CDYL2: variants seen among roughly 807,000 people sequenced by gnomAD.
CDYL2 encodes chromodomain Y-like protein 2.
CDYL2 carries 23 observed loss-of-function variants against 49.4 expected under a neutral mutation model. The ratio of observed to expected loss-of-function variants is 0.47; its 90% CI spans 0.34 to 0.66. The LOEUF is 0.66. Ranked by LOEUF, CDYL2 falls within the 30% of genes least tolerant of loss-of-function variation. The probability of loss-of-function intolerance (pLI) is 0.01; values close to 1 mark genes in which losing one functional copy is unlikely to be tolerated. For synonymous variants in CDYL2, 360 were observed against 268.8 expected, an observed-to-expected ratio of 1.34 and a Z score of -3.32; for missense variants, 678 against 656.4, an observed-to-expected ratio of 1.03 and a Z score of -0.36.
intron 2 of CDYL2, among the ~76,000 whole-genome samples, chr16:80,636,447 T>C (rs1597139277): frequency 6.6e-6 from 1 of 151,926 alleles, no homozygotes; most frequent in Non-Finnish European, 1.5e-5. Context: ...AACAAATACA[T>C]GAAAAAAAGC....
intron 1 of CDYL2, among the ~76,000 whole-genome samples, chr16:80,699,799 G>C (rs1369875359): frequency 1.3e-5 from 2 of 151,904 alleles, no homozygotes; most frequent in Admixed American, 1.3e-4. Context: ...TAATTATTAT[G>C]TGTCAAAAAC....
At chr16:80,762,164 C>G (rs1195130921) in intron 1 of CDYL2, among the ~76,000 whole-genome samples, 1 of 151,948 alleles carries the variant, frequency 6.6e-6, no homozygotes, top group Non-Finnish European at 1.5e-5. Context: ...CCAGCCTGGA[C>G]AAGAGTGAGA....
At chr16:80,748,832 A>C (rs1277886768) in intron 1 of CDYL2, among the ~76,000 whole-genome samples, 1 of 152,120 alleles carries the variant, frequency 6.6e-6, no homozygotes, top group Non-Finnish European at 1.5e-5. Context: ...CAGTTCTGTC[A>C]TGAGAGGTCA....
chr16:80,776,492 G>A (rs72820982), intron 1 of CDYL2, among the ~76,000 whole-genome samples: 1,853 of 151,612 alleles, frequency 0.012, 22 homozygotes, highest in Middle Eastern at 0.021. Context: ...ACAAGAAATC[G>A]AAATGATCCC....
intron 1 of CDYL2, among the ~76,000 whole-genome samples, chr16:80,756,054 T>C (rs1906299776): frequency 6.6e-6 from 1 of 152,142 alleles, no homozygotes; most frequent in Non-Finnish European, 1.5e-5. Flanking sequence ...TAATAATTCA[T>C]AATAGTGATA....
In CDYL2 at chr16:80,690,110, G is replaced by C. The variant is rs567983253; in HGVS notation, c.25-4981C>G. 4.7e-5 allele frequency among the ~76,000 whole-genome samples: 7 copies of C among 150,356 alleles called. No individual in the cohort carries two copies. The East Asian group carries it at 1.4e-3, about 29-fold the overall frequency. ...CACTCTAGCCTAGGAGACAGAGCAA[G>C]ACTCTGTCTCAAAAATAAAAAAAAA... On this transcript the variant is annotated intron_variant, in intron 1 of 6. Coordinates refer to ENST00000570137, the MANE Select transcript of CDYL2 (RefSeq NM_152342.4).
intron 1 of CDYL2, among the ~76,000 whole-genome samples, chr16:80,735,725 T>G: frequency 6.6e-6 from 1 of 152,228 alleles, no homozygotes; most frequent in East Asian, 1.9e-4. Flanking sequence ...CAATAATCAC[T>G]GGACTCTCGA....
intron 1 of CDYL2, among the ~76,000 whole-genome samples, chr16:80,797,488 A>AGCAGGATTGTAT (rs1402138703): frequency 1.3e-5 from 2 of 152,220 alleles, no homozygotes; most frequent in Non-Finnish European, 2.9e-5. Flanking sequence ...AGTAGAAGAA[A>AGCAGGATTGTAT]GCAGGATTGT....
intron 1 of CDYL2, among the ~76,000 whole-genome samples, chr16:80,711,326 G>A (rs569016677): frequency 1.3e-5 from 2 of 152,290 alleles, no homozygotes; most frequent in Non-Finnish European, 1.5e-5. Context: ...AACCATTTGT[G>A]TCAGAAGCTC....
chr16:80,607,970 G>C (rs1906417423), intron 6 of CDYL2, 122 bp downstream of exon 6: 1 of 1,147,220 alleles, frequency 8.7e-7, no homozygotes, highest in Non-Finnish European at 1.2e-6. Flanking sequence ...AATTGCAAAG[G>C]GTCTTTTGCT....
At chr16:80,646,311 C>A (rs1908343496) in intron 2 of CDYL2, among the ~76,000 whole-genome samples, 1 of 151,950 alleles carries the variant, frequency 6.6e-6, no homozygotes, top group South Asian at 2.1e-4. Flanking sequence ...TAAACTAAAT[C>A]ATAACCAGAC....
chr16:80,784,352 T>G (rs1203754679), intron 1 of CDYL2, among the ~76,000 whole-genome samples: 1 of 152,246 alleles, frequency 6.6e-6, no homozygotes, highest in African/African-American at 2.4e-5. Flanking sequence ...AAGACTATTT[T>G]TTTCATTCAT....
intron 1 of CDYL2, among the ~76,000 whole-genome samples, chr16:80,716,899 A>C (rs1904822492): frequency 6.6e-6 from 1 of 151,966 alleles, no homozygotes; most frequent in South Asian, 2.1e-4. Flanking sequence ...GGATGGATGG[A>C]TGGATGATTG....
chr16:80,765,456 GA>G (rs1906687882), intron 1 of CDYL2, among the ~76,000 whole-genome samples: 1 of 151,512 alleles, frequency 6.6e-6, no homozygotes, highest in Non-Finnish European at 1.5e-5. Flanking sequence ...AAATATATAA[GA>G]AAAGCAATTA....
chr16:80,715,936 G>A (rs1421753530), intron 1 of CDYL2, among the ~76,000 whole-genome samples: 1 of 152,180 alleles, frequency 6.6e-6, no homozygotes, highest in Non-Finnish European at 1.5e-5. Context: ...TAGATTCTAA[G>A]CCAGACTTCC....
At chr16:80,717,176 T>G (rs1008191806) in intron 1 of CDYL2, among the ~76,000 whole-genome samples, 4 of 150,578 alleles carry the variant, frequency 2.7e-5, no homozygotes, top group African/African-American at 9.7e-5. Flanking sequence ...GATGGATGGA[T>G]GGATGGATGG....
chr16:80,604,807 G>A (rs1906258772), intron 6 of CDYL2, among the ~76,000 whole-genome samples: 1 of 152,184 alleles, frequency 6.6e-6, no homozygotes, highest in Admixed American at 6.5e-5. Flanking sequence ...CTTGCCTGTT[G>A]CCCAATGGTG....
intron 1 of CDYL2, among the ~76,000 whole-genome samples, chr16:80,732,500 A>G (rs1461676757): frequency 6.6e-6 from 1 of 152,234 alleles, no homozygotes; most frequent in Non-Finnish European, 1.5e-5. Flanking sequence ...GAATATGCAC[A>G]GAATATCTTT....
chr16:80,606,602 T>A (rs1166034492), intron 6 of CDYL2, among the ~76,000 whole-genome samples: 2 of 152,290 alleles, frequency 1.3e-5, no homozygotes, highest in African/African-American at 4.8e-5. Flanking sequence ...TGTCTCTCCA[T>A]GAAGCTAACC....
Sources: allele counts gnomAD v4.1 joint callset (sites outside exome capture counted in the v4.1 genomes callset), GRCh38; gene constraint gnomAD v4.1.1; transcripts MANE v1.5; gene names NCBI Gene and HGNC (gene_info 2026-07-23, HGNC 2026-07-21).